TECTA: variants seen among roughly 807,000 people sequenced by gnomAD.
TECTA encodes tectorin alpha, also known as alpha-tectorin.
Under a neutral mutation model 216.8 loss-of-function variants are expected in TECTA, and 128 were observed. The observed-to-expected ratio is 0.59, with a 90% CI of 0.51 to 0.68. The LOEUF is 0.68. Ranked by LOEUF, TECTA falls within the 30% of genes least tolerant of loss-of-function variation. TECTA has a pLI of 0.00. For missense variants in TECTA, 2,551 were observed against 2,786.2 expected, an observed-to-expected ratio of 0.92 and a Z score of 1.90; for synonymous variants, 1,089 against 1,117.1, an observed-to-expected ratio of 0.97 and a Z score of 0.50.
intron 4 of TECTA, among the ~76,000 whole-genome samples, chr11:121,111,919 C>T (rs918637319): frequency 2.0e-5 from 3 of 152,184 alleles, no homozygotes; most frequent in African/African-American, 7.2e-5. Context: ...AAGGGCTGTT[C>T]TTACTCATAG....
chr11:121,146,364 T>C (rs1946838901), intron 12 of TECTA: 3 of 560,710 alleles, frequency 5.4e-6, no homozygotes, highest in Non-Finnish European at 9.6e-6. Context: ...AATAAGATCA[T>C]GCATATAAAT....
At chr11:121,118,753 G>A (rs1361182485) in intron 7 of TECTA, 35 bp downstream of exon 7, 1 of 1,611,180 alleles carries the variant, frequency 6.2e-7, no homozygotes, top group African/African-American at 1.3e-5. Context: ...GGGAAATGGA[G>A]AAGCTGGAGA....
chr11:121,129,907 A>G lies in TECTA; in HGVS notation c.2637A>G (p.Thr879=), dbSNP rs778173139. The G allele has an allele frequency of 3.1e-6, 5 of 1,613,924 alleles. No individual in the cohort carries two copies. In the Admixed American group the frequency reaches 8.3e-5, roughly 27 times the overall value. Residue 879 remains threonine, a synonymous_variant, in exon 10 of 24, where the codon ACA becomes ACG. Transcript: ENST00000392793. ...TGGCAGTGTTCCTGGAAAGCTGGAC[A>G]ACTTTCGAGGAGATCTGCAATGGAG... ...DNLAVFLESW[T]TFEEICNGEC...
chr11:121,132,169 A>G (rs969341895), intron 10 of TECTA, among the ~76,000 whole-genome samples: 1 of 152,150 alleles, frequency 6.6e-6, no homozygotes. Flanking sequence ...TGGCTCCTGC[A>G]TTCATTAGTT....
At chr11:121,133,656 G>A (rs1369194044) in intron 10 of TECTA, among the ~76,000 whole-genome samples, 3 of 152,198 alleles carry the variant, frequency 2.0e-5, no homozygotes, top group African/African-American at 4.8e-5. Flanking sequence ...CTCCATTGGG[G>A]TTGATGTTCC....
chr11:121,190,910 G>A lies in TECTA; in HGVS notation c.*104G>A. 1 of 908,640 alleles carries A rather than the reference G, an allele frequency of 1.1e-6. No homozygotes were observed. The highest frequency in any genetic ancestry group is 1.7e-6 in the Non-Finnish European group (1 of 582,872). The allele number at this position is 908,640 out of a possible 1,614,324, so 56.3% of individuals were successfully genotyped here. The stretch of plus-strand genomic sequence containing the variant: ...GTCAAAACCTATTTGAAAGTGTCCA[G>A]CATCTCAAAATGATGCCACCTGCCT... On this transcript the variant is annotated 3_prime_UTR_variant, in exon 24 of 24. Coordinates refer to ENST00000392793, the MANE Select transcript of TECTA (RefSeq NM_005422.4).
chr11:121,107,920 C>T (rs921084259), intron 3 of TECTA, among the ~76,000 whole-genome samples: 3 of 152,182 alleles, frequency 2.0e-5, no homozygotes, highest in Non-Finnish European at 4.4e-5. Flanking sequence ...AGGACACTAT[C>T]ACACCACATG....
At chr11:121,146,412 T>G in intron 12 of TECTA, 1 of 455,622 alleles carries the variant, frequency 2.2e-6, no homozygotes, top group Non-Finnish European at 3.9e-6. Flanking sequence ...CGCACAAAGT[T>G]CACAATAGAA....
Position 121,127,897 on chromosome 11 carries a change from C to T in TECTA, c.1920C>T (p.Ser640=). The change falls in exon 9 of 24, where the codon AGC becomes AGT. Residue 640 remains serine, a synonymous_variant. Transcript: ENST00000392793. The surrounding 1 kb of genome is among the most constrained non-coding windows in gnomAD (Gnocchi z 5.0). ...GCECNQGFVL[S]TSQCVPLHKC... is the part of the protein sequence containing the mutation. ...AGTGCAACCAGGGCTTCGTCCTCAGCACCAGCCAGTGCGTCCCTCTGCACA... is the reference window on the plus strand; with the variant it reads ...AGTGCAACCAGGGCTTCGTCCTCAGTACCAGCCAGTGCGTCCCTCTGCACA... 1.2e-6 allele frequency: 2 copies of T among 1,614,116 alleles called. No individual in the cohort carries two copies. The highest frequency in any genetic ancestry group is 8.5e-7 in the Non-Finnish European group (1 of 1,180,032).
In TECTA at chr11:121,187,842, C is replaced by A. The variant is rs1412564038; in HGVS notation, c.6010C>A (p.Leu2004Ile). ...YFIIEGGCQN[L>I]KDNTIGIEEN... is the part of the protein sequence containing the mutation. ...ATTTTTTCTGAATAGGTGTCAGAAC[C>A]TCAAAGATAACACCATTGGCATCGA... The change falls in exon 21 of 24, where the codon CTC (leucine) becomes ATC (isoleucine). Residue 2004 changes from leucine (L) to isoleucine (I), a missense_variant. Physicochemically the swap from Leu to Ile is conservative, Grantham distance 5. Around this residue, in one of 3 missense-constraint regions of TECTA, gnomAD observed 58 missense variants for 105.9 expected, o/e 0.55. Transcript: ENST00000392793. The A allele has an allele frequency of 6.2e-7, 1 of 1,614,188 alleles. No individual in the cohort carries two copies. Among genetic ancestry groups the A allele is most frequent in the East Asian group, 2.2e-5 (1 of 44,892 alleles).
At chr11:121,130,268 T>A (rs1267957173) in intron 10 of TECTA, 57 bp downstream of exon 10, 1 of 1,578,414 alleles carries the variant, frequency 6.3e-7, no homozygotes, top group African/African-American at 1.3e-5. Flanking sequence ...GGTGCCATGC[T>A]GGGCCTTACT....
chr11:121,137,879 A>G lies in TECTA; in HGVS notation c.3400A>G (p.Ser1134Gly). 6.2e-7 allele frequency: 1 copy of G among 1,603,414 alleles called. No individual in the cohort carries two copies. Among genetic ancestry groups the G allele is most frequent in the Non-Finnish European group, 8.5e-7 (1 of 1,171,614 alleles). Reference protein sequence around the residue: ...LILCTTGSRPSSDSFPKFVVT... With the variant: ...LILCTTGSRPGSDSFPKFVVT... ...CCTGTGCACCACAGGAAGCAGGCCA[A>G]GCTCAGACTCTTTCCCCAAGTTTGT... The change falls in exon 11 of 24, where the codon AGC (serine) becomes GGC (glycine). Residue 1134 changes from serine to glycine, a missense_variant. Transcript: ENST00000392793.
intron 14 of TECTA, 119 bp from the exon 15 acceptor site, chr11:121,160,016 C>A: frequency 9.1e-7 from 1 of 1,102,038 alleles, no homozygotes; most frequent in Non-Finnish European, 1.4e-6. Context: ...AGAATGGAGT[C>A]GTTGAGACAG....
intron 11 of TECTA, among the ~76,000 whole-genome samples, chr11:121,142,629 C>T (rs1037349628): frequency 6.6e-6 from 1 of 152,168 alleles, no homozygotes; most frequent in African/African-American, 2.4e-5. Flanking sequence ...CAGCTGGCAC[C>T]GATCGGCCTC....
At chr11:121,112,107 TA>T (rs1480413115) in intron 4 of TECTA, among the ~76,000 whole-genome samples, 1 of 152,214 alleles carries the variant, frequency 6.6e-6, no homozygotes. Flanking sequence ...CCTCTCCTTT[TA>T]ACTCTATTTC....
intron 1 of TECTA, 141 bp downstream of exon 1, chr11:121,101,583 G>C (rs1946347426): frequency 6.6e-6 from 1 of 152,106 alleles, no homozygotes; most frequent in Non-Finnish European, 1.5e-5. Context: ...CTAAACCTTT[G>C]TACCCTTTCC....
chr11:121,143,420 C>T (rs768266702), intron 11 of TECTA, among the ~76,000 whole-genome samples: 61 of 152,232 alleles, frequency 4.0e-4, no homozygotes, highest in South Asian at 6.2e-4. Context: ...TAGCCAACCC[C>T]TCCTCCTCCT....
intron 12 of TECTA, among the ~76,000 whole-genome samples, chr11:121,151,693 G>A (rs976366835): frequency 8.9e-6 from 1 of 112,994 alleles, no homozygotes; most frequent in African/African-American, 6.4e-5. Context: ...AACTACAAAT[G>A]TTTTTTAAAA....
rs772796428 is a variant in TECTA at position 121,113,238 on chromosome 11, G to T, written c.624+29G>T. On this transcript the variant is annotated intron_variant, in intron 5 of 23. Transcript: ENST00000392793. The surrounding 1 kb of genome is among the most constrained non-coding windows in gnomAD (Gnocchi z 4.2). ...GGTGGCTCTCCACTTCATCCCCCGCGTGTTTCCGTCGCTGCACTCTCTGCT... is the reference window on the plus strand; with the variant it reads ...GGTGGCTCTCCACTTCATCCCCCGCTTGTTTCCGTCGCTGCACTCTCTGCT... 1 of 1,613,346 alleles carries T rather than the reference G, an allele frequency of 6.2e-7. No homozygotes were observed. Among genetic ancestry groups the T allele is most frequent in the Non-Finnish European group, 8.5e-7 (1 of 1,179,902 alleles).
Sources: gnomAD v4.1 joint callset for allele counts (sites outside exome capture counted in the v4.1 genomes callset) on GRCh38, gnomAD v4.1.1 for gene constraint, gnomAD v4.1.1 regional missense constraint, Gnocchi (gnomAD v3.1) non-coding constraint, MANE v1.5 for transcripts, NCBI Gene and HGNC (gene_info 2026-07-23, HGNC 2026-07-21) for gene names.